MYZAP: variants seen among roughly 807,000 people sequenced by gnomAD.
MYZAP encodes myocardial zonula adherens protein.
In MYZAP, 66 loss-of-function variants were observed where a neutral mutation model predicts 69.4. That is an observed-to-expected ratio of 0.95 (90% CI 0.78 to 1.17). The LOEUF (loss-of-function observed/expected upper bound fraction) is 1.17, where lower values mean the gene tolerates loss of function less well. MYZAP is among the 50% of genes most tolerant of loss of function. MYZAP has a pLI of 0.00. For missense variants in MYZAP, 611 were observed against 556.2 expected, an observed-to-expected ratio of 1.10 and a Z score of -0.99; for synonymous variants, 256 against 205.9, an observed-to-expected ratio of 1.24 and a Z score of -2.09.
At chr15:57,630,347 C>G (rs1209933271) in intron 6 of MYZAP, among the ~76,000 whole-genome samples, 1 of 152,214 alleles carries the variant, frequency 6.6e-6, no homozygotes, top group Non-Finnish European at 1.5e-5. Flanking sequence ...TCTTTAGACA[C>G]TCACCATGGT....
chr15:57,616,328 A>C (rs563076430), intron 2 of MYZAP, among the ~76,000 whole-genome samples: 1 of 152,308 alleles, frequency 6.6e-6, no homozygotes, highest in South Asian at 2.1e-4. Context: ...CAGATGGTGA[A>C]ACCTTGTCTG....
chr15:57,653,614 A>G (rs2037835261), intron 10 of MYZAP, among the ~76,000 whole-genome samples: 1 of 152,196 alleles, frequency 6.6e-6, no homozygotes. Flanking sequence ...TTGAGCAGGC[A>G]GCACCAGGCC....
rs28707698 is a variant in MYZAP, at chr15:57,647,448, A to G, written c.1119+7903A>G. The G allele has an allele frequency of 0.015, 14,533 of 985,356 alleles. 1,351 individuals are homozygous for G. The African/African-American group carries it at 0.21, about 14-fold the overall frequency. The allele number at this position is 985,356 out of a possible 1,614,324, so 61.0% of individuals were successfully genotyped here. A position where few individuals can be genotyped will look rare whatever the true frequency, so the allele number is the denominator to read the frequency against. ...TAATGTTTTTCTAAGTCTCTGGTGG[A>G]AAAGTCACTGGCATTTGTTCTAGCA... On this transcript the variant is annotated intron_variant, in intron 10 of 12. Transcript: ENST00000267853.
chr15:57,676,928 C>T (rs1202309063), intron 12 of MYZAP, among the ~76,000 whole-genome samples: 1 of 152,156 alleles, frequency 6.6e-6, no homozygotes, highest in African/African-American at 2.4e-5. Context: ...CCCCCCGGAT[C>T]CATCTTAGCA....
intron 11 of MYZAP, among the ~76,000 whole-genome samples, chr15:57,663,498 C>G (rs1186272463): frequency 3.3e-5 from 5 of 152,142 alleles, no homozygotes; most frequent in African/African-American, 1.2e-4. Context: ...GGAGGTTGCC[C>G]TGAGGACAGC....
intron 10 of MYZAP, among the ~76,000 whole-genome samples, chr15:57,649,543 T>C (rs1350167670): frequency 6.6e-6 from 1 of 152,244 alleles, no homozygotes; most frequent in Non-Finnish European, 1.5e-5. Flanking sequence ...CATTTTTATA[T>C]TAGATTGTTT....
At chr15:57,597,212 G>T (rs2034118496) in intron 1 of MYZAP, among the ~76,000 whole-genome samples, 1 of 152,174 alleles carries the variant, frequency 6.6e-6, no homozygotes, top group African/African-American at 2.4e-5. Context: ...TCATCCTGCT[G>T]CACAGTTGGA....
intron 4 of MYZAP, among the ~76,000 whole-genome samples, chr15:57,622,645 G>A (rs1231966855): frequency 2.6e-5 from 4 of 152,084 alleles, no homozygotes; most frequent in Non-Finnish European, 2.9e-5. Flanking sequence ...AAATGGACTA[G>A]TCAATATGTG....
intron 10 of MYZAP, among the ~76,000 whole-genome samples, chr15:57,655,536 A>G (rs572318040): frequency 3.9e-5 from 6 of 152,194 alleles, no homozygotes; most frequent in Admixed American, 3.3e-4. Flanking sequence ...GCGTGTGGCT[A>G]TGGTTAAGGA....
intron 8 of MYZAP, 102 bp from the exon 9 acceptor site, chr15:57,637,593 T>A: frequency 7.9e-7 from 1 of 1,267,696 alleles, no homozygotes; most frequent in Non-Finnish European, 1.1e-6. Context: ...ACCCAGGGGG[T>A]GTCATATAGA....
intron 1 of MYZAP, among the ~76,000 whole-genome samples, chr15:57,602,057 A>C (rs534862779): frequency 1.3e-5 from 2 of 152,230 alleles, no homozygotes; most frequent in African/African-American, 4.8e-5. Flanking sequence ...GGTTTCTTCA[A>C]AGGTGGGCAG....
intron 7 of MYZAP, among the ~76,000 whole-genome samples, chr15:57,633,388 G>T (rs541842690): frequency 2.4e-4 from 36 of 152,164 alleles, no homozygotes; most frequent in Admixed American, 5.2e-4. Context: ...GGGAAAAAAG[G>T]GAAAAAAATG....
Position 57,621,511 on chromosome 15 carries a change from C to G in MYZAP, c.319-97C>G, listed in dbSNP as rs1690334. 2.0e-5 allele frequency: 28 copies of G among 1,411,352 alleles called. No homozygotes were observed. The Admixed American group carries it at 5.8e-4, about 29-fold the overall frequency. 87.4% of individuals were successfully genotyped at this position (1,411,352 alleles called of 1,614,324 possible). A position where few individuals can be genotyped will look rare whatever the true frequency, so the allele number is the denominator to read the frequency against. ...ACAGGCTTGAGCCACCGCACCTGGCCGGGGTCCTTCTTTCTTTAGAGTTTC... is the reference window on the plus strand; with the variant it reads ...ACAGGCTTGAGCCACCGCACCTGGCGGGGGTCCTTCTTTCTTTAGAGTTTC... On this transcript the variant is annotated intron_variant, in intron 3 of 12. Coordinates refer to ENST00000267853, the MANE Select transcript of MYZAP (RefSeq NM_001018100.5).
At chr15:57,623,785 T>A (rs1164798677) in intron 4 of MYZAP, among the ~76,000 whole-genome samples, 1 of 138,026 alleles carries the variant, frequency 7.2e-6, no homozygotes. Flanking sequence ...TACAATAGAA[T>A]ATATGCAGTT....
At chr15:57,599,851 A>T in intron 1 of MYZAP, 2 of 512,516 alleles carry the variant, frequency 3.9e-6, no homozygotes, top group South Asian at 3.2e-5. Flanking sequence ...TTAGGGATTC[A>T]GAGTACCTTT....
intron 11 of MYZAP, among the ~76,000 whole-genome samples, chr15:57,672,760 T>G (rs1468399560): frequency 6.6e-6 from 1 of 152,200 alleles, no homozygotes; most frequent in Non-Finnish European, 1.5e-5. Context: ...CTCAACCCAG[T>G]GTGTTTCCAC....
chr15:57,634,333 A>G (rs1420616190), intron 8 of MYZAP, among the ~76,000 whole-genome samples: 1 of 152,146 alleles, frequency 6.6e-6, no homozygotes, highest in African/African-American at 2.4e-5. Flanking sequence ...AAGGAAGAGA[A>G]GGAAGAGAAA....
chr15:57,633,628 T>G lies in MYZAP; in HGVS notation c.820T>G (p.Phe274Val), dbSNP rs1223139332. The G allele has an allele frequency of 6.2e-7, 1 of 1,612,890 alleles. No homozygotes were observed. Among genetic ancestry groups the G allele is most frequent in the East Asian group, 2.2e-5 (1 of 44,856 alleles). ...KEALLEETNS[F>V]LKAIEEANKK... ...TCTTTTGCAGGAAGAAACCAATAGT[T>G]TTCTGAAAGCGATTGAAGAAGCCAA... Residue 274 changes from phenylalanine to valine, a missense_variant, in exon 8 of 13, where the codon TTT (phenylalanine) becomes GTT (valine). Coordinates refer to ENST00000267853, the MANE Select transcript of MYZAP (RefSeq NM_001018100.5).
At chr15:57,618,790 C>G (rs2035632396) in intron 3 of MYZAP, among the ~76,000 whole-genome samples, 1 of 152,190 alleles carries the variant, frequency 6.6e-6, no homozygotes, top group Admixed American at 6.5e-5. Flanking sequence ...CTTCTTCTCT[C>G]TCTCTCCATT....
Sources: gnomAD v4.1 joint callset for allele counts (sites outside exome capture counted in the v4.1 genomes callset) on GRCh38, gnomAD v4.1.1 for gene constraint, MANE v1.5 for transcripts, NCBI Gene and HGNC (gene_info 2026-07-23, HGNC 2026-07-21) for gene names.